DLGAP1: variants seen among roughly 807,000 people sequenced by gnomAD.
DLGAP1 encodes disks large-associated protein 1.
Under a neutral mutation model 90.8 loss-of-function variants are expected in DLGAP1, and 11 were observed. The ratio of observed to expected loss-of-function variants is 0.12; its 90% CI spans 0.08 to 0.20. DLGAP1 has a LOEUF of 0.20. Ranked by LOEUF, DLGAP1 falls within the 10% of genes least tolerant of loss-of-function variation. The pLI, the probability that DLGAP1 is intolerant of heterozygous loss-of-function variation, is 1.00. For missense variants in DLGAP1, 1,050 were observed against 1,333.8 expected (o/e 0.79, Z 3.31); for synonymous variants, 558 against 540.7 (o/e 1.03, Z -0.44).
At chr18:4,170,599 A>G (rs1018043602) in intron 1 of DLGAP1, among the ~76,000 whole-genome samples, 1 of 152,136 alleles carries the variant, frequency 6.6e-6, no homozygotes, top group Non-Finnish European at 1.5e-5. Flanking sequence ...AAGACTCATG[A>G]ATGACCCCAG....
intron 1 of DLGAP1, among the ~76,000 whole-genome samples, chr18:4,389,399 T>G (rs2082297553): frequency 6.6e-6 from 1 of 152,016 alleles, no homozygotes; most frequent in Admixed American, 6.6e-5. Flanking sequence ...GGGCATAGAG[T>G]TTCAGTTTTG....
At chr18:4,428,020 T>G (rs1013154255) in intron 1 of DLGAP1, among the ~76,000 whole-genome samples, 1 of 152,210 alleles carries the variant, frequency 6.6e-6, no homozygotes, top group Non-Finnish European at 1.5e-5. Flanking sequence ...CTTTGGGCAC[T>G]CACTGGATCT....
intron 1 of DLGAP1, among the ~76,000 whole-genome samples, chr18:4,187,119 C>A (rs1367519361): frequency 6.6e-6 from 1 of 152,100 alleles, no homozygotes; most frequent in East Asian, 1.9e-4. Flanking sequence ...TGAAATTTTG[C>A]TGAAATTGTT....
intron 2 of DLGAP1, among the ~76,000 whole-genome samples, chr18:4,128,277 A>G (rs149162231): frequency 3.9e-5 from 6 of 152,180 alleles, no homozygotes; most frequent in African/African-American, 9.6e-5. Flanking sequence ...TTTACATTGT[A>G]CTATGTACTA....
chr18:3,768,627 C>G lies in DLGAP1; in HGVS notation c.1173-26115G>C, dbSNP rs77855701. Among the ~76,000 whole-genome samples the G allele has an allele frequency of 2.0e-3, 304 of 152,246 alleles. 6 individuals carry two copies. In the East Asian group the frequency reaches 0.033, roughly 16 times the overall value. On this transcript the variant is annotated intron_variant, in intron 5 of 12. Coordinates refer to ENST00000315677, the MANE Select transcript of DLGAP1 (RefSeq NM_004746.4). ...AGACCAGTGCAACAGAATGGAGAAT[C>G]AAGAAAGCCCAAAACCTCCCTAACT...
At chr18:3,686,175 A>AAAAC (rs59979923) in intron 7 of DLGAP1, among the ~76,000 whole-genome samples, 2,275 of 151,194 alleles carry the variant, frequency 0.015, 18 homozygotes, top group South Asian at 0.035. Flanking sequence ...ACTCCATTTC[A>AAAAC]AAACAAACAA....
intron 7 of DLGAP1, among the ~76,000 whole-genome samples, chr18:3,622,334 T>G (rs1016097322): frequency 1.3e-5 from 2 of 152,164 alleles, no homozygotes; most frequent in African/African-American, 4.8e-5. Context: ...CTCGATCTCC[T>G]GACCTCGTGA....
chr18:3,966,031 G>T (rs1387532354), intron 3 of DLGAP1, among the ~76,000 whole-genome samples: 1 of 150,434 alleles, frequency 6.6e-6, no homozygotes, highest in East Asian at 2.0e-4. Flanking sequence ...GTCAGATACA[G>T]ACAAATACTT....
intron 2 of DLGAP1, among the ~76,000 whole-genome samples, chr18:4,057,000 TACATAC>T (rs1291589650): frequency 1.8e-4 from 17 of 94,994 alleles, no homozygotes; most frequent in South Asian, 3.5e-4. Flanking sequence ...CAACTGACCA[TACATAC>T]ACACACACAC....
At chr18:4,050,142 G>A (rs2075112991) in intron 2 of DLGAP1, among the ~76,000 whole-genome samples, 1 of 152,154 alleles carries the variant, frequency 6.6e-6, no homozygotes, top group Non-Finnish European at 1.5e-5. Flanking sequence ...ATTGGCCTAA[G>A]TGGGTGGGTG....
intron 9 of DLGAP1, among the ~76,000 whole-genome samples, chr18:3,535,239 A>T (rs115028009): frequency 1.3e-5 from 2 of 152,030 alleles, no homozygotes; most frequent in African/African-American, 4.8e-5. Flanking sequence ...GAGAAATTTT[A>T]TAGGTGGAAA....
intron 1 of DLGAP1, among the ~76,000 whole-genome samples, chr18:4,416,541 TGA>T (rs1280401577): frequency 6.6e-6 from 1 of 152,218 alleles, no homozygotes; most frequent in African/African-American, 2.4e-5. Context: ...GTTTGGTTAA[TGA>T]GAGAGTCAGA....
chr18:4,348,849 C>T (rs2081353082), intron 1 of DLGAP1, among the ~76,000 whole-genome samples: 1 of 151,890 alleles, frequency 6.6e-6, no homozygotes, highest in African/African-American at 2.4e-5. Flanking sequence ...GTCCATACCA[C>T]CAATAAGTAA....
chr18:3,903,816 G>T (rs2071837295), intron 3 of DLGAP1, among the ~76,000 whole-genome samples: 1 of 152,114 alleles, frequency 6.6e-6, no homozygotes, highest in Non-Finnish European at 1.5e-5. Flanking sequence ...TTGTTGTTTT[G>T]TTTCATACCA....
chr18:3,522,550 T>A (rs2051278300), intron 10 of DLGAP1, among the ~76,000 whole-genome samples: 1 of 140,990 alleles, frequency 7.1e-6, no homozygotes, highest in Non-Finnish European at 1.5e-5. Context: ...TCAACTCTTT[T>A]TTTTTTTTTT....
At chr18:3,967,842 A>G (rs1043177929) in intron 3 of DLGAP1, among the ~76,000 whole-genome samples, 8 of 152,180 alleles carry the variant, frequency 5.3e-5, no homozygotes, top group Non-Finnish European at 1.2e-4. Flanking sequence ...AAATCACCCA[A>G]CTATGCAGAT....
intron 7 of DLGAP1, among the ~76,000 whole-genome samples, chr18:3,614,039 G>A (rs541278291): frequency 1.3e-5 from 2 of 151,976 alleles, no homozygotes; most frequent in South Asian, 2.1e-4. Context: ...CCCCTGCCTC[G>A]GCCTCCCAGG....
chr18:3,640,189 A>G (rs2058887966), intron 7 of DLGAP1, among the ~76,000 whole-genome samples: 1 of 152,154 alleles, frequency 6.6e-6, no homozygotes, highest in African/African-American at 2.4e-5. Flanking sequence ...AAAAATAGAT[A>G]TAAATAAATA....
chr18:3,725,163 G>A (rs567657763), intron 7 of DLGAP1, among the ~76,000 whole-genome samples: 1 of 152,080 alleles, frequency 6.6e-6, no homozygotes, highest in Non-Finnish European at 1.5e-5. Flanking sequence ...ACATTTACGA[G>A]TGTGTGCCTG....
Sources: gnomAD v4.1 joint callset for allele counts (sites outside exome capture counted in the v4.1 genomes callset) on GRCh38, gnomAD v4.1.1 for gene constraint, MANE v1.5 for transcripts, NCBI Gene and HGNC (gene_info 2026-07-23, HGNC 2026-07-21) for gene names.